The following MSRB3 variants were observed in gnomAD, a reference collection of about 807,000 sequenced individuals.
The protein encoded by MSRB3 is methionine sulfoxide reductase B3.
A neutral mutation model predicts 21.0 loss-of-function variants in MSRB3; 13 were observed. The ratio of observed to expected loss-of-function variants is 0.62; its 90% CI spans 0.40 to 0.98. MSRB3 has a LOEUF of 0.98. Among genes scored for constraint, MSRB3 ranks in the 50% least tolerant of loss-of-function variants. The pLI is 0.00. For missense variants in MSRB3, 199 were observed against 230.3 expected (o/e 0.86, Z 0.88); for synonymous variants, 87 against 88.6 (o/e 0.98, Z 0.10).
intron 5 of MSRB3, among the ~76,000 whole-genome samples, chr12:65,429,066 T>C (rs1592629997): frequency 6.6e-6 from 1 of 152,254 alleles, no homozygotes; most frequent in Non-Finnish European, 1.5e-5. Context: ...AACACATCCA[T>C]TAAGTCAATA....
At chr12:65,457,101 C>G (rs1026341909) in intron 6 of MSRB3, among the ~76,000 whole-genome samples, 2 of 151,904 alleles carry the variant, frequency 1.3e-5, no homozygotes, top group Admixed American at 6.6e-5. Context: ...ATTTTACTTC[C>G]TAGTTTCTCA....
At chr12:65,418,784 G>A (rs1286689453) in intron 5 of MSRB3, 25 of 968,996 alleles carry the variant, frequency 2.6e-5, no homozygotes, top group East Asian at 4.8e-5. Context: ...ACTGTCTGGC[G>A]GGTGGTGGTC....
intron 1 of MSRB3, among the ~76,000 whole-genome samples, chr12:65,287,020 C>CAAA (rs35236078): frequency 8.7e-5 from 5 of 57,146 alleles, no homozygotes; most frequent in Non-Finnish European, 1.2e-4. Context: ...GACCCTTTCT[C>CAAA]AAAAAAAAAA....
rs185353655 is a variant in MSRB3, at chr12:65,341,984, A to G, written c.263+13381A>G. On this transcript the variant is annotated intron_variant, in intron 4 of 6. Transcript: ENST00000308259. Reference sequence around the variant, plus strand: ...AAGAAGTCATTTGTAAGGGTATAGAAGAAAAACCAAAGTGTTTTTTTCTGT... The same window carrying G: ...AAGAAGTCATTTGTAAGGGTATAGAGGAAAAACCAAAGTGTTTTTTTCTGT... 3.3e-3 allele frequency among the ~76,000 whole-genome samples: 495 copies of G among 152,130 alleles called. 2 individuals carry two copies. The highest frequency in any genetic ancestry group is 5.3e-3 in the Admixed American group (81 of 15,258).
chr12:65,308,437 G>T (rs570408076), intron 1 of MSRB3, 92 bp from the exon 2 acceptor site: 2 of 1,512,266 alleles, frequency 1.3e-6, no homozygotes, highest in Admixed American at 1.9e-5. Flanking sequence ...TTCAGTTCCA[G>T]ATAAAACTGT....
At chr12:65,349,753 G>A (rs898814954) in intron 4 of MSRB3, among the ~76,000 whole-genome samples, 8 of 150,760 alleles carry the variant, frequency 5.3e-5, no homozygotes, top group Non-Finnish European at 1.2e-4. Context: ...TTTTGATGGG[G>A]TTGTTTGTTT....
intron 5 of MSRB3, among the ~76,000 whole-genome samples, chr12:65,401,805 G>C (rs1880141962): frequency 6.6e-6 from 1 of 152,128 alleles, no homozygotes; most frequent in South Asian, 2.1e-4. Context: ...GGCAAGCCTG[G>C]TGATGACAAA....
intron 4 of MSRB3, among the ~76,000 whole-genome samples, chr12:65,360,061 T>TCCCCTG (rs1323971968): frequency 1.3e-5 from 2 of 152,088 alleles, no homozygotes; most frequent in African/African-American, 4.8e-5. Flanking sequence ...CCCTGTGTCT[T>TCCCCTG]CCCCTGGCCT....
At chr12:65,440,286 C>T (rs192719510) in intron 5 of MSRB3, among the ~76,000 whole-genome samples, 10 of 150,298 alleles carry the variant, frequency 6.7e-5, no homozygotes, top group East Asian at 2.0e-4. Context: ...GCCCAGAAAC[C>T]GCAAAAAAAA....
At chr12:65,348,061 C>T (rs1458740511) in intron 4 of MSRB3, among the ~76,000 whole-genome samples, 1 of 152,054 alleles carries the variant, frequency 6.6e-6, no homozygotes, top group Admixed American at 6.6e-5. Context: ...TTTGTTGTGT[C>T]TCTGCCAGGC....
chr12:65,337,430 C>CAAAAAAAAA (rs780302211), intron 4 of MSRB3, among the ~76,000 whole-genome samples: 1 of 43,572 alleles, frequency 2.3e-5, no homozygotes, highest in Non-Finnish European at 4.1e-5. Flanking sequence ...GAGACTACAT[C>CAAAAAAAAA]AAAAAAAAAA....
At chr12:65,394,031 G>A (rs1879639796) in intron 5 of MSRB3, among the ~76,000 whole-genome samples, 1 of 151,944 alleles carries the variant, frequency 6.6e-6, no homozygotes. Context: ...TATACTCTAA[G>A]TAGGAATATG....
chr12:65,278,898 G>A lies in MSRB3; in HGVS notation c.-52+33G>A, dbSNP rs778585099. The A allele has an allele frequency of 1.5e-5, 23 of 1,546,632 alleles. No homozygotes were observed. The East Asian group carries it at 2.9e-4, about 20-fold the overall frequency. ...CGGGCTCCCCTCCCCTCTCCTCCTC[G>A]CCTCACCCCTCCCACCCCGACCCTG... On this transcript the variant is annotated intron_variant, in intron 1 of 6. Transcript: ENST00000308259.
intron 4 of MSRB3, among the ~76,000 whole-genome samples, chr12:65,365,603 C>T (rs990212270): frequency 4.6e-5 from 7 of 152,106 alleles, no homozygotes; most frequent in Non-Finnish European, 1.0e-4. Flanking sequence ...TATGTTTTTA[C>T]ATGGTGACTT....
chr12:65,393,548 G>A (rs544359979), intron 5 of MSRB3, among the ~76,000 whole-genome samples: 46 of 150,008 alleles, frequency 3.1e-4, no homozygotes, highest in East Asian at 2.2e-3. Flanking sequence ...CGAGAATGGC[G>A]TGAACCTGGG....
chr12:65,280,870 C>T (rs534789512), intron 1 of MSRB3, among the ~76,000 whole-genome samples: 1 of 152,180 alleles, frequency 6.6e-6, no homozygotes, highest in South Asian at 2.1e-4. Flanking sequence ...AAAGAATATC[C>T]AAAGACTATC....
chr12:65,314,772 G>A (rs1002436165), intron 2 of MSRB3, among the ~76,000 whole-genome samples: 4 of 152,044 alleles, frequency 2.6e-5, no homozygotes, highest in Non-Finnish European at 5.9e-5. Flanking sequence ...TTAAATCTTA[G>A]TTTTGTTTGA....
intron 5 of MSRB3, among the ~76,000 whole-genome samples, chr12:65,443,770 C>T (rs1882491773): frequency 6.6e-6 from 1 of 151,896 alleles, no homozygotes. Context: ...AATACATTCA[C>T]ATTGTTGTGC....
chr12:65,436,277 C>T (rs1299446807), intron 5 of MSRB3, among the ~76,000 whole-genome samples: 1 of 151,854 alleles, frequency 6.6e-6, no homozygotes, highest in Non-Finnish European at 1.5e-5. Flanking sequence ...TATCATAATA[C>T]AGTCATCACA....
Sources: allele counts gnomAD v4.1 joint callset (sites outside exome capture counted in the v4.1 genomes callset), GRCh38; gene constraint gnomAD v4.1.1; transcripts MANE v1.5; gene names NCBI Gene and HGNC (gene_info 2026-07-23, HGNC 2026-07-21).